The following CSMD1 variants were observed in gnomAD, a reference collection of about 807,000 sequenced individuals.
CSMD1 encodes CUB and sushi domain-containing protein 1.
CSMD1 carries 213 observed loss-of-function variants against 417.5 expected under a neutral mutation model. That is an observed-to-expected ratio of 0.51 (90% CI 0.46 to 0.57). The LOEUF (loss-of-function observed/expected upper bound fraction) is 0.57, where lower values mean the gene tolerates loss of function less well. Among genes scored for constraint, CSMD1 ranks in the 20% least tolerant of loss-of-function variants. The pLI is 0.00. For synonymous variants in CSMD1, 2,862 were observed against 1,736.8 expected, an observed-to-expected ratio of 1.65 and a Z score of -16.11; for missense variants, 6,923 against 4,529.7, an observed-to-expected ratio of 1.53 and a Z score of -15.17.
At chr8:4,069,935 G>C (rs1006929455) in intron 3 of CSMD1, among the ~76,000 whole-genome samples, 1 of 152,086 alleles carries the variant, frequency 6.6e-6, no homozygotes, top group Non-Finnish European at 1.5e-5. Context: ...TAAAATTGCA[G>C]TATTATTTTT....
intron 3 of CSMD1, among the ~76,000 whole-genome samples, chr8:4,186,806 G>A (rs1173491580): frequency 6.7e-6 from 1 of 148,762 alleles, no homozygotes; most frequent in Non-Finnish European, 1.5e-5. Flanking sequence ...GGTCTACATG[G>A]TGACACCCCG....
intron 2 of CSMD1, among the ~76,000 whole-genome samples, chr8:4,564,795 G>A (rs143739579): frequency 6.6e-6 from 1 of 152,190 alleles, no homozygotes; most frequent in South Asian, 2.1e-4. Flanking sequence ...CAAGCACCTA[G>A]AATTTAAAAT....
chr8:4,425,095 C>CT (rs1797469948), intron 2 of CSMD1, among the ~76,000 whole-genome samples: 1 of 151,794 alleles, frequency 6.6e-6, no homozygotes, highest in Non-Finnish European at 1.5e-5. Context: ...TATATATTCG[C>CT]CTAAGTTAGG....
intron 10 of CSMD1, among the ~76,000 whole-genome samples, chr8:3,565,819 G>T (rs1298364127): frequency 2.7e-5 from 4 of 149,356 alleles, no homozygotes; most frequent in African/African-American, 7.4e-5. Flanking sequence ...CAAATATATT[G>T]TTTTTTTTTT....
At chr8:3,758,791 T>G (rs1222370690) in intron 5 of CSMD1, among the ~76,000 whole-genome samples, 2 of 152,160 alleles carry the variant, frequency 1.3e-5, no homozygotes, top group Non-Finnish European at 2.9e-5. Flanking sequence ...ACATGGCTCA[T>G]GAGGACTTTG....
chr8:4,271,380 A>T (rs1804584968), intron 3 of CSMD1, among the ~76,000 whole-genome samples: 1 of 152,154 alleles, frequency 6.6e-6, no homozygotes, highest in South Asian at 2.1e-4. Flanking sequence ...AATAAATAAA[A>T]GTTTAAAAAA....
At chr8:4,105,853 T>G (rs1428851963) in intron 3 of CSMD1, among the ~76,000 whole-genome samples, 1 of 152,196 alleles carries the variant, frequency 6.6e-6, no homozygotes, top group Non-Finnish European at 1.5e-5. Context: ...CCCTCTGAGC[T>G]TCCCGGGACA....
intron 57 of CSMD1, among the ~76,000 whole-genome samples, chr8:2,970,695 A>G (rs1449114556): frequency 2.0e-5 from 3 of 152,218 alleles, no homozygotes; most frequent in Admixed American, 1.3e-4. Flanking sequence ...TGATCACTAC[A>G]TAGAATCAGG....
intron 3 of CSMD1, among the ~76,000 whole-genome samples, chr8:4,209,709 T>A (rs114895179): frequency 1.8e-4 from 28 of 152,266 alleles, no homozygotes; most frequent in African/African-American, 6.0e-4. Context: ...ACAGCAACTT[T>A]TATTGACTGA....
chr8:4,452,472 A>G (rs576186212), intron 2 of CSMD1, among the ~76,000 whole-genome samples: 1 of 152,324 alleles, frequency 6.6e-6, no homozygotes, highest in African/African-American at 2.4e-5. Context: ...ACCCACTCAT[A>G]TTTGAGCAAA....
intron 3 of CSMD1, among the ~76,000 whole-genome samples, chr8:4,362,385 G>T (rs192565648): frequency 1.3e-5 from 2 of 150,478 alleles, no homozygotes; most frequent in Admixed American, 1.3e-4. Flanking sequence ...GTCCAGCAGA[G>T]CCTGGGGACA....
chr8:3,219,122 C>T (rs1798054988), intron 29 of CSMD1, 133 bp downstream of exon 29: 4 of 666,622 alleles, frequency 6.0e-6, no homozygotes, highest in Admixed American at 6.1e-5. Context: ...AGACATGTAT[C>T]TTCCCAGACA....
At chr8:4,233,364 T>C (rs1287609869) in intron 3 of CSMD1, among the ~76,000 whole-genome samples, 2 of 152,230 alleles carry the variant, frequency 1.3e-5, no homozygotes, top group South Asian at 2.1e-4. Context: ...TTAGTTTTTC[T>C]CAGTGACTAA....
intron 5 of CSMD1, among the ~76,000 whole-genome samples, chr8:3,762,296 C>G (rs1798052149): frequency 6.6e-6 from 1 of 152,174 alleles, no homozygotes; most frequent in Non-Finnish European, 1.5e-5. Flanking sequence ...CCCACCTACT[C>G]TGCACCTGCC....
At chr8:4,620,516 A>C (rs1323753690) in intron 2 of CSMD1, among the ~76,000 whole-genome samples, 1 of 151,762 alleles carries the variant, frequency 6.6e-6, no homozygotes, top group Admixed American at 6.6e-5. Context: ...AAAGACAAGG[A>C]AAACATGTTT....
chr8:3,997,789 A>AAC, intron 5 of CSMD1, 114 bp downstream of exon 5: 1 of 904,206 alleles, frequency 1.1e-6, no homozygotes, highest in South Asian at 1.7e-5. Flanking sequence ...CGAAAAAAGG[A>AAC]ACACACATGC....
At position 4,095,887 on chromosome 8, in the gene CSMD1, T is replaced by G. The variant is rs147529931; in HGVS notation, c.416-63788A>C. ...AAAGCTAAACTATCAATGTTAAGAG[T>G]AGAAACTTTATACACACATTTTTGT... On this transcript the variant is annotated intron_variant, in intron 3 of 69. Coordinates refer to ENST00000635120, the MANE Select transcript of CSMD1 (RefSeq NM_033225.6). Among the ~76,000 whole-genome samples the G allele has an allele frequency of 8.6e-4, 131 of 152,304 alleles. No individual in the cohort carries two copies. In the East Asian group the frequency reaches 0.016, roughly 19 times the overall value.
rs1418608559 is a variant in CSMD1, at chr8:3,968,047, A to C, written c.818+29856T>G. On this transcript the variant is annotated intron_variant, in intron 5 of 69. Transcript: ENST00000635120. The stretch of plus-strand genomic sequence containing the variant: ...AAAAAATTACAAAAAATTAGCCGGG[A>C]GTGGTGGCGGGCGCCTGTAGTCCCA... Among the ~76,000 whole-genome samples the C allele has an allele frequency of 8.3e-5, 12 of 144,632 alleles. No individual in the cohort carries two copies. The South Asian group carries it at 1.6e-3, about 19-fold the overall frequency. 94.9% of individuals were successfully genotyped at this position (144,632 alleles called of 152,430 possible). A position where few individuals can be genotyped will look rare whatever the true frequency, so the allele number is the denominator to read the frequency against.
intron 12 of CSMD1, among the ~76,000 whole-genome samples, chr8:3,450,116 G>C (rs1815599597): frequency 6.6e-6 from 1 of 152,116 alleles, no homozygotes; most frequent in South Asian, 2.1e-4. Flanking sequence ...TCATGTATGT[G>C]TCCTGCACAT....
Sources: allele counts gnomAD v4.1 joint callset (sites outside exome capture counted in the v4.1 genomes callset), GRCh38; gene constraint gnomAD v4.1.1; transcripts MANE v1.5; gene names NCBI Gene and HGNC (gene_info 2026-07-23, HGNC 2026-07-21).